The following LRFN2 variants were observed in gnomAD, a reference collection of about 807,000 sequenced individuals.
LRFN2 encodes the protein leucine-rich repeat and fibronectin type-III domain-containing protein 2.
A neutral mutation model predicts 37.3 loss-of-function variants in LRFN2; 18 were observed. The observed-to-expected ratio is 0.48, with a 90% CI of 0.33 to 0.72. The LOEUF (loss-of-function observed/expected upper bound fraction) is 0.72. Among genes scored for constraint, LRFN2 ranks in the 30% least tolerant of loss-of-function variants. LRFN2 has a pLI of 0.02. For synonymous variants in LRFN2, 556 were observed against 466.6 expected (o/e 1.19, Z -2.47); for missense variants, 1,006 against 1,060.7 (o/e 0.95, Z 0.72).
chr6:40,392,071 C>T lies in LRFN2; in HGVS notation c.2242G>A (p.Val748Ile), dbSNP rs1213811628. 2.5e-6 allele frequency: 4 copies of T among 1,614,102 alleles called. No individual in the cohort carries two copies. Among genetic ancestry groups the T allele is most frequent in the East Asian group, 4.5e-5 (2 of 44,872 alleles). Residue 748 changes from valine to isoleucine, a missense_variant, in exon 3 of 3, where the codon GTC becomes ATC. By Grantham distance (29) the Val-to-Ile change is conservative. Transcript: ENST00000338305. The surrounding 1 kb of genome is among the most constrained non-coding windows in gnomAD (Gnocchi z 4.7). ...VPGGYSPPRK[V>I]SNIWTKRSLS... Reference sequence around the variant, plus strand: ...CTGCGCTTCGTCCAGATGTTCGAGACCTTCCGAGGAGGACTGTAGCCGCCC... The same window carrying T: ...CTGCGCTTCGTCCAGATGTTCGAGATCTTCCGAGGAGGACTGTAGCCGCCC...
At chr6:40,433,549 A>ATGG (rs1561853473) in intron 1 of LRFN2, among the ~76,000 whole-genome samples, 4 of 152,262 alleles carry the variant, frequency 2.6e-5, no homozygotes, top group East Asian at 3.9e-4. Flanking sequence ...TGGATGGATG[A>ATGG]ATGCGATACC....
intron 1 of LRFN2, among the ~76,000 whole-genome samples, chr6:40,526,011 G>C (rs12210807): frequency 0.015 from 2,322 of 152,248 alleles, 18 homozygotes; most frequent in Non-Finnish European, 0.021. Flanking sequence ...AGAGAGAAAA[G>C]GTTCCTGTTC....
At chr6:40,444,032 A>G (rs1015788621) in intron 1 of LRFN2, among the ~76,000 whole-genome samples, 4 of 152,182 alleles carry the variant, frequency 2.6e-5, no homozygotes, top group African/African-American at 9.6e-5. Context: ...CCACTTGCTG[A>G]TGCCCCCCAA....
At chr6:40,406,574 G>C (rs983158019) in intron 2 of LRFN2, among the ~76,000 whole-genome samples, 50 of 152,214 alleles carry the variant, frequency 3.3e-4, no homozygotes, top group African/African-American at 1.1e-3. Context: ...TCCATAGCAG[G>C]CCCACCTGGC....
intron 1 of LRFN2, among the ~76,000 whole-genome samples, chr6:40,542,228 C>A (rs1036920920): frequency 2.0e-5 from 3 of 152,166 alleles, no homozygotes; most frequent in Admixed American, 1.3e-4. Context: ...CCTCACACAC[C>A]CTGCGATGAG....
At chr6:40,427,652 T>G (rs1033836421) in intron 2 of LRFN2, among the ~76,000 whole-genome samples, 4 of 152,232 alleles carry the variant, frequency 2.6e-5, no homozygotes, top group African/African-American at 9.6e-5. Flanking sequence ...TTCCAAGGGC[T>G]CACAGCTACC....
intron 1 of LRFN2, among the ~76,000 whole-genome samples, chr6:40,470,480 T>C (rs763522486): frequency 6.6e-6 from 1 of 152,038 alleles, no homozygotes; most frequent in African/African-American, 2.4e-5. Context: ...CATGGTGGCA[T>C]GCACCTGTAG....
intron 1 of LRFN2, among the ~76,000 whole-genome samples, chr6:40,489,685 C>G (rs1214429797): frequency 1.3e-5 from 2 of 152,102 alleles, no homozygotes; most frequent in Non-Finnish European, 2.9e-5. Flanking sequence ...TCCAAGGGAA[C>G]TGTCCTTACC....
chr6:40,467,274 T>A (rs1161138263), intron 1 of LRFN2, among the ~76,000 whole-genome samples: 1 of 152,068 alleles, frequency 6.6e-6, no homozygotes. Flanking sequence ...CCTAGGTCCC[T>A]ACTGTTCTTT....
chr6:40,524,110 G>A (rs925947981), intron 1 of LRFN2, among the ~76,000 whole-genome samples: 2 of 152,208 alleles, frequency 1.3e-5, no homozygotes, highest in Non-Finnish European at 2.9e-5. Context: ...CAGGAAAACT[G>A]GGGGATAATG....
chr6:40,537,453 C>T (rs1581784395), intron 1 of LRFN2, among the ~76,000 whole-genome samples: 2 of 152,164 alleles, frequency 1.3e-5, no homozygotes, highest in East Asian at 3.9e-4. Flanking sequence ...CTATGGAAAC[C>T]CAAGGCAGGA....
intron 1 of LRFN2, among the ~76,000 whole-genome samples, chr6:40,505,115 C>T (rs893490915): frequency 6.6e-6 from 1 of 152,208 alleles, no homozygotes; most frequent in African/African-American, 2.4e-5. Flanking sequence ...TCTGCACGGG[C>T]CCTGTGTGGC....
chr6:40,397,187 C>T (rs1762634002), intron 2 of LRFN2, among the ~76,000 whole-genome samples: 1 of 152,208 alleles, frequency 6.6e-6, no homozygotes, highest in African/African-American at 2.4e-5. Context: ...ACCTCATCAT[C>T]CAACCCTACA....
At chr6:40,423,147 T>A (rs1482815394) in intron 2 of LRFN2, among the ~76,000 whole-genome samples, 1 of 152,194 alleles carries the variant, frequency 6.6e-6, no homozygotes, top group Non-Finnish European at 1.5e-5. Flanking sequence ...ACAAACCTCC[T>A]GTGGGTTTTC....
intron 1 of LRFN2, among the ~76,000 whole-genome samples, chr6:40,529,740 C>T (rs1294021588): frequency 6.6e-6 from 1 of 152,208 alleles, no homozygotes; most frequent in Non-Finnish European, 1.5e-5. Context: ...TACTGACACT[C>T]TCTGTGCCTC....
At chr6:40,478,615 A>G (rs1252469645) in intron 1 of LRFN2, among the ~76,000 whole-genome samples, 1 of 152,236 alleles carries the variant, frequency 6.6e-6, no homozygotes, top group Non-Finnish European at 1.5e-5. Flanking sequence ...CACCCCTCAC[A>G]GAGCAGGTGA....
intron 1 of LRFN2, among the ~76,000 whole-genome samples, chr6:40,465,528 C>A (rs1323229974): frequency 6.6e-6 from 1 of 152,160 alleles, no homozygotes; most frequent in Non-Finnish European, 1.5e-5. Context: ...CCCAGATAAA[C>A]TTCTTACTCT....
rs112780121 is a variant in LRFN2, at chr6:40,496,376, G to T, written c.-18-63245C>A. Among the ~76,000 whole-genome samples, 9 of 152,276 alleles carry T rather than the reference G, an allele frequency of 5.9e-5. 1 individual carries two copies. Among genetic ancestry groups the T allele is most frequent in the African/African-American group, 2.2e-4 (9 of 41,544 alleles). On this transcript the variant is annotated intron_variant, in intron 1 of 2. Transcript: ENST00000338305. ...GCCCACTGTTTTAAAACCTTTCAGT[G>T]GTTCCCGCTGCACCAGGGGTAAAAG...
At chr6:40,413,743 A>G (rs933758691) in intron 2 of LRFN2, among the ~76,000 whole-genome samples, 1 of 152,146 alleles carries the variant, frequency 6.6e-6, no homozygotes, top group Non-Finnish European at 1.5e-5. Context: ...CCGTGGCTTT[A>G]TCAGACATCA....
Sources: allele counts gnomAD v4.1 joint callset (sites outside exome capture counted in the v4.1 genomes callset), GRCh38; gene constraint gnomAD v4.1.1; non-coding constraint Gnocchi (gnomAD v3.1); transcripts MANE v1.5; gene names NCBI Gene and HGNC (gene_info 2026-07-23, HGNC 2026-07-21).